Variants in ANO8 observed in about 807,000 individuals in gnomAD.
The protein encoded by ANO8 is anoctamin-8.
In ANO8, 67 loss-of-function variants were observed where a neutral mutation model predicts 120.4. The observed-to-expected ratio is 0.56, with a 90% CI of 0.46 to 0.68. The LOEUF (loss-of-function observed/expected upper bound fraction) is 0.68. Among genes scored for constraint, ANO8 ranks in the 30% least tolerant of loss-of-function variants. ANO8 has a pLI of 0.00. For synonymous variants in ANO8, 727 were observed against 759.2 expected (o/e 0.96, Z 0.70); for missense variants, 1,526 against 1,737.6 (o/e 0.88, Z 2.16).
chr19:17,330,881 C>T lies in ANO8; in HGVS notation c.940G>A (p.Gly314Arg), dbSNP rs758248667. Reference protein sequence around the residue: ...RRGAELAYKWGTLDSPGEAVE... With the variant: ...RRGAELAYKWRTLDSPGEAVE... ...GCTTCCCCAGGTGAGTCCAGCGTCCCCCACTTATATGCCAGCTCAGCCCCT... is the reference window on the plus strand; with the variant it reads ...GCTTCCCCAGGTGAGTCCAGCGTCCTCCACTTATATGCCAGCTCAGCCCCT... The change falls in exon 8 of 18, where the codon GGG becomes AGG. Residue 314 changes from glycine (G) to arginine (R), a missense_variant. Around this residue, in one of 8 missense-constraint regions of ANO8, gnomAD observed 322 missense variants for 431.8 expected, o/e 0.75. Coordinates refer to ENST00000159087, the MANE Select transcript of ANO8 (RefSeq NM_020959.3). 2.5e-6 allele frequency: 4 copies of T among 1,614,208 alleles called. No individual in the cohort carries two copies. The highest frequency in any genetic ancestry group is 3.3e-5 in the Admixed American group (2 of 60,024).
intron 14 of ANO8, 42 bp downstream of exon 14, chr19:17,327,647 C>T: frequency 6.2e-7 from 1 of 1,607,716 alleles, no homozygotes; most frequent in South Asian, 1.1e-5. Flanking sequence ...TGCACCTGGG[C>T]TCCCTCTGGG....
chr19:17,333,482 TGC>T lies in ANO8; in HGVS notation c.288_289del (p.Gln97SerfsTer19). 6.8e-6 allele frequency: 11 copies of T among 1,613,332 alleles called. No individual in the cohort carries two copies. Among genetic ancestry groups the T allele is most frequent in the Non-Finnish European group, 9.3e-6 (11 of 1,179,992 alleles). ...ACGCGTGTGGCGGTGGTGGCGGACT[TGC>T]ACGATGAGCTCGGGAATGCCCACGC... On this transcript the variant is annotated frameshift_variant, in exon 3 of 18. Coordinates refer to ENST00000159087, the MANE Select transcript of ANO8 (RefSeq NM_020959.3). LOFTEE classifies it high-confidence loss of function. This position sits in a 1 kb window ranked among gnomAD's most constrained non-coding sequence, Gnocchi z 7.2.
intron 5 of ANO8, among the ~76,000 whole-genome samples, chr19:17,331,651 G>GT (rs369893061): frequency 0.16 from 23,102 of 143,308 alleles, 1,951 homozygotes; most frequent in Non-Finnish European, 0.18. Context: ...GAGGAACCAT[G>GT]TTTTTTTTTT....
Position 17,324,708 on chromosome 19 carries a change from G to A in ANO8, c.3331+9C>T. 1.3e-6 allele frequency: 2 copies of A among 1,517,470 alleles called. No individual in the cohort carries two copies. Among genetic ancestry groups the A allele is most frequent in the Non-Finnish European group, 1.8e-6 (2 of 1,134,930 alleles). 94.0% of individuals were successfully genotyped at this position (1,517,470 alleles called of 1,614,324 possible). On this transcript the variant is annotated intron_variant, in intron 17 of 17. Transcript: ENST00000159087. ...CCGGCGTCCCCACCCCCGAGTTAAA[G>A]CTTGTGACCTGAGCCTTCCTCTTCG... is the stretch of plus-strand genomic sequence containing the variant.
In ANO8 at chr19:17,328,988, G is replaced by A. The variant is rs955859095; in HGVS notation, c.1405-5C>T. ...GATCAGCAGCGTGGCCAGCATCTGGGGGCAGGAAGGGGAAGGAGAGAGGCG... is the reference window on the plus strand; with the variant it reads ...GATCAGCAGCGTGGCCAGCATCTGGAGGCAGGAAGGGGAAGGAGAGAGGCG... On this transcript the variant is annotated splice_region_variant and splice_polypyrimidine_tract_variant and intron_variant, in intron 12 of 17. Coordinates refer to ENST00000159087, the MANE Select transcript of ANO8 (RefSeq NM_020959.3). 3 of 1,485,184 alleles carry A rather than the reference G, an allele frequency of 2.0e-6. No individual in the cohort carries two copies. Among genetic ancestry groups the A allele is most frequent in the South Asian group, 2.5e-5 (2 of 78,750 alleles). 92.0% of individuals were successfully genotyped at this position (1,485,184 alleles called of 1,614,324 possible).
Position 17,334,642 on chromosome 19 carries a change from C to A in ANO8, c.29G>T (p.Gly10Val), listed in dbSNP as rs892178830. Residue 10 changes from glycine to valine, a missense_variant, in exon 1 of 18, where the codon GGC becomes GTC. Coordinates refer to ENST00000159087, the MANE Select transcript of ANO8 (RefSeq NM_020959.3). ...GCCACGCTCGCCCTCCAGGGACGTG[C>A]CCCCGGCGCCGGAGGCGGCCTCGGC... is the stretch of plus-strand genomic sequence containing the variant. Reference protein sequence around the residue: MAEAASGAGGTSLEGERGKR... With the variant: MAEAASGAGVTSLEGERGKR... 15 of 1,485,788 alleles carry A rather than the reference C, an allele frequency of 1.0e-5. No individual in the cohort carries two copies. The highest frequency in any genetic ancestry group is 1.3e-5 in the Non-Finnish European group (15 of 1,126,324). 92.0% of individuals were successfully genotyped at this position (1,485,788 alleles called of 1,614,324 possible). A position where few individuals can be genotyped will look rare whatever the true frequency, so the allele number is the denominator to read the frequency against.
intron 5 of ANO8, 123 bp from the exon 6 acceptor site, chr19:17,331,534 C>T: frequency 1.2e-6 from 1 of 809,668 alleles, no homozygotes; most frequent in East Asian, 2.6e-5. Flanking sequence ...GAGCTCTTTC[C>T]AGGGGAGAAG....
At chr19:17,323,990 G>GCCT (rs1215264706) in intron 17 of ANO8, 106 bp from the exon 18 acceptor site, 1 of 1,022,726 alleles carries the variant, frequency 9.8e-7, no homozygotes, top group Non-Finnish European at 1.2e-6. Context: ...GCACATAAAG[G>GCCT]CCTTATTGCT....
chr19:17,331,986 G>A (rs1305942708), intron 5 of ANO8, among the ~76,000 whole-genome samples: 6 of 131,464 alleles, frequency 4.6e-5, no homozygotes, highest in South Asian at 2.4e-4. Flanking sequence ...CCAGGCTGGA[G>A]TGCAGTAGTG....
In ANO8 at chr19:17,327,893, G is replaced by A. The variant is rs1365584524; in HGVS notation, c.2227-13C>T. 3 of 1,610,472 alleles carry A rather than the reference G, an allele frequency of 1.9e-6. No homozygotes were observed. The South Asian group carries it at 3.3e-5, about 18-fold the overall frequency. ...CCTGGAACGTGTCCTGCGAGTGGGCGGGCCTCAGACCTGGAAGCCTCTTCC... is the reference window on the plus strand; with the variant it reads ...CCTGGAACGTGTCCTGCGAGTGGGCAGGCCTCAGACCTGGAAGCCTCTTCC... On this transcript the variant is annotated splice_polypyrimidine_tract_variant and intron_variant, in intron 13 of 17. Coordinates refer to ENST00000159087, the MANE Select transcript of ANO8 (RefSeq NM_020959.3).
Position 17,327,330 on chromosome 19 carries a change from G to A in ANO8, c.2566C>T (p.Leu856Phe). The change falls in exon 16 of 18, where the codon CTC (leucine) becomes TTC (phenylalanine). Residue 856 changes from leucine to phenylalanine, a missense_variant. Leu to Phe is a conservative substitution (Grantham distance 22, BLOSUM62 0). Around this residue, in one of 8 missense-constraint regions of ANO8, gnomAD observed 489 missense variants for 548.6 expected, o/e 0.89. Coordinates refer to ENST00000159087, the MANE Select transcript of ANO8 (RefSeq NM_020959.3). ...ATGGCCACGTGGATGAGGTACTTGAGGAGCAGAGCGAAGTGCTGCAGGGGT... is the reference window on the plus strand; with the variant it reads ...ATGGCCACGTGGATGAGGTACTTGAAGAGCAGAGCGAAGTGCTGCAGGGGT... Reference protein sequence around the residue: ...VVVLEHFALLLKYLIHVAIPD... With the variant: ...VVVLEHFALLFKYLIHVAIPD... The A allele has an allele frequency of 6.4e-7, 1 of 1,550,524 alleles. No individual in the cohort carries two copies. The highest frequency in any genetic ancestry group is 1.4e-5 in the African/African-American group (1 of 73,146).
At chr19:17,330,606 G>A (rs1307821201) in intron 8 of ANO8, 102 bp from the exon 9 acceptor site, 89 of 1,431,554 alleles carry the variant, frequency 6.2e-5, no homozygotes, top group Non-Finnish European at 7.9e-5. Flanking sequence ...TCCATCATGC[G>A]GAGGTGACCC....
intron 16 of ANO8, 23 bp downstream of exon 16, chr19:17,327,212 C>T (rs368196752): frequency 4.0e-6 from 6 of 1,507,356 alleles, no homozygotes; most frequent in African/African-American, 2.8e-5. Flanking sequence ...ATGAGAAAAC[C>T]GAGCCCAGCC....
chr19:17,333,067 C>T lies in ANO8; in HGVS notation c.489+34G>A, dbSNP rs371332758. The stretch of plus-strand genomic sequence containing the variant: ...CGTGAGCTCAGGGAACTCATAGGCA[C>T]AGGATGCATGCGGGGGCCCAGAGCC... On this transcript the variant is annotated intron_variant, in intron 4 of 17. Coordinates refer to ENST00000159087, the MANE Select transcript of ANO8 (RefSeq NM_020959.3). This position sits in a 1 kb window ranked among gnomAD's most constrained non-coding sequence, Gnocchi z 7.2. 5.0e-6 allele frequency: 8 copies of T among 1,613,840 alleles called. No homozygotes were observed. The highest frequency in any genetic ancestry group is 1.3e-5 in the African/African-American group (1 of 74,952).
rs2074351582 is a variant in ANO8 at position 17,334,808 on chromosome 19, C to G, written c.-138G>C. 1 of 1,215,506 alleles carries G rather than the reference C, an allele frequency of 8.2e-7. No homozygotes were observed. The highest frequency in any genetic ancestry group is 1.6e-5 in the African/African-American group (1 of 63,874). The allele number at this position is 1,215,506 out of a possible 1,614,324, so 75.3% of individuals were successfully genotyped here. A position where few individuals can be genotyped will look rare whatever the true frequency, so the allele number is the denominator to read the frequency against. ...CCGCCCGCGCCGGCCTCGGTCCTCG[C>G]TCGCCCGAGCGCTGCTTCTCGTCCC... On this transcript the variant is annotated 5_prime_UTR_variant, in exon 1 of 18. Coordinates refer to ENST00000159087, the MANE Select transcript of ANO8 (RefSeq NM_020959.3).
rs1194403868 is a variant in ANO8 at position 17,328,015 on chromosome 19, G to A, written c.2227-135C>T. 2.9e-6 allele frequency: 4 copies of A among 1,387,114 alleles called. No individual in the cohort carries two copies. The East Asian group carries it at 9.9e-5, about 34-fold the overall frequency. The allele number at this position is 1,387,114 out of a possible 1,614,324, so 85.9% of individuals were successfully genotyped here. On this transcript the variant is annotated intron_variant, in intron 13 of 17. Transcript: ENST00000159087. The stretch of plus-strand genomic sequence containing the variant: ...TCCTCAGCCAGCCCAGAGGCTTCCT[G>A]TATCTGGCTAGGCCTTCCTCTCCTG...
At position 17,333,271 on chromosome 19, in the gene ANO8, G is replaced by T; in HGVS notation, c.351-32C>A. ...AGAAGGCGGAGGAGGTGGGCTCACAGGGAGGCCCCGGCCCACCATCCTGGA... is the reference window on the plus strand; with the variant it reads ...AGAAGGCGGAGGAGGTGGGCTCACATGGAGGCCCCGGCCCACCATCCTGGA... On this transcript the variant is annotated intron_variant, in intron 3 of 17. Coordinates refer to ENST00000159087, the MANE Select transcript of ANO8 (RefSeq NM_020959.3). This position sits in a 1 kb window ranked among gnomAD's most constrained non-coding sequence, Gnocchi z 7.2. 1 of 1,603,238 alleles carries T rather than the reference G, an allele frequency of 6.2e-7. No individual in the cohort carries two copies. Among genetic ancestry groups the T allele is most frequent in the South Asian group, 1.1e-5 (1 of 90,628 alleles).
Position 17,328,257 on chromosome 19 carries a change from GTCTCTGCCT to G in ANO8, c.2122_2130del (p.Arg710_Gln712del). ...TCAATCCAAGACGACCGGTTCTGCC[GTCTCTGCCT>G]ACGGGTCGAATCGCTGTTGGAGCCG... On this transcript the variant is annotated inframe_deletion, in exon 13 of 18. Transcript: ENST00000159087. 1 of 1,611,370 alleles carries G rather than the reference GTCTCTGCCT, an allele frequency of 6.2e-7. No individual in the cohort carries two copies.
intron 8 of ANO8, 136 bp downstream of exon 8, chr19:17,330,692 A>C: frequency 2.1e-6 from 3 of 1,428,662 alleles, no homozygotes; most frequent in Non-Finnish European, 2.8e-6. Context: ...GGGAGCACAC[A>C]GAGCCCGCCT....
Sources: allele counts gnomAD v4.1 joint callset (sites outside exome capture counted in the v4.1 genomes callset), GRCh38; gene constraint gnomAD v4.1.1; regional missense constraint gnomAD v4.1.1; non-coding constraint Gnocchi (gnomAD v3.1); transcripts MANE v1.5; gene names NCBI Gene and HGNC (gene_info 2026-07-23, HGNC 2026-07-21).